ROBO2: variants seen among roughly 807,000 people sequenced by gnomAD.
ROBO2 encodes roundabout guidance receptor 2.
A neutral mutation model predicts 160.8 loss-of-function variants in ROBO2; 53 were observed. That is an observed-to-expected ratio of 0.33 (90% CI 0.26 to 0.41). ROBO2 has a LOEUF of 0.41. Ranked by LOEUF, ROBO2 falls within the 10% of genes least tolerant of loss-of-function variation. The pLI, the probability that ROBO2 is intolerant of heterozygous loss-of-function variation, is 1.00. For synonymous variants in ROBO2, 664 were observed against 611.7 expected, an observed-to-expected ratio of 1.09 and a Z score of -1.26; for missense variants, 1,577 against 1,722.4, an observed-to-expected ratio of 0.92 and a Z score of 1.49.
At chr3:76,470,000 ACT>A (rs1027955958) in intron 2 of ROBO2, among the ~76,000 whole-genome samples, 2 of 152,106 alleles carry the variant, frequency 1.3e-5, no homozygotes, top group African/African-American at 4.8e-5. Flanking sequence ...TTGGACCCTT[ACT>A]TTTGCTTACC....
chr3:76,567,763 CTGTGTGTG>C (rs71101900), intron 2 of ROBO2, among the ~76,000 whole-genome samples: 27 of 88,366 alleles, frequency 3.1e-4, no homozygotes, highest in South Asian at 8.0e-4. Context: ...ATATATCTGT[CTGTGTGTG>C]TGTGTGTGTG....
intron 2 of ROBO2, among the ~76,000 whole-genome samples, chr3:76,220,248 A>C (rs1703871134): frequency 6.6e-6 from 1 of 151,810 alleles, no homozygotes; most frequent in Non-Finnish European, 1.5e-5. Context: ...TAATGGGTGC[A>C]GCACACCAGC....
chr3:76,735,730 G>A (rs2093697399), intron 2 of ROBO2, among the ~76,000 whole-genome samples: 2 of 125,296 alleles, frequency 1.6e-5, no homozygotes, highest in Admixed American at 2.1e-4. Flanking sequence ...TACAGCTTCA[G>A]CCCAGGGTGA....
chr3:76,411,516 A>G (rs923804748), intron 2 of ROBO2, among the ~76,000 whole-genome samples: 1 of 152,142 alleles, frequency 6.6e-6, no homozygotes, highest in Non-Finnish European at 1.5e-5. Context: ...ATTTATTTCA[A>G]CTGAACCTCA....
chr3:76,113,285 C>T (rs539646383), intron 2 of ROBO2, among the ~76,000 whole-genome samples: 1 of 151,852 alleles, frequency 6.6e-6, no homozygotes, highest in East Asian at 1.9e-4. Context: ...CATGGGCCTC[C>T]CAATTATTTC....
chr3:77,065,867 G>A (rs2066787462), intron 1 of ROBO2, among the ~76,000 whole-genome samples: 1 of 152,070 alleles, frequency 6.6e-6, no homozygotes, highest in African/African-American at 2.4e-5. Context: ...GAGATGAATG[G>A]TTTGGTCTTT....
chr3:76,050,047 T>C (rs2067601753), intron 2 of ROBO2, among the ~76,000 whole-genome samples: 2 of 152,124 alleles, frequency 1.3e-5, no homozygotes, highest in Admixed American at 6.5e-5. Context: ...GTCAACTTGA[T>C]TGGATTGAAA....
chr3:76,079,253 TAAC>T (rs1257453270), intron 2 of ROBO2, among the ~76,000 whole-genome samples: 1 of 152,138 alleles, frequency 6.6e-6, no homozygotes, highest in Non-Finnish European at 1.5e-5. Context: ...TAACCATAGG[TAAC>T]AATCATTTAT....
intron 2 of ROBO2, among the ~76,000 whole-genome samples, chr3:77,179,804 A>G (rs1316884164): frequency 6.6e-6 from 1 of 152,176 alleles, no homozygotes; most frequent in African/African-American, 2.4e-5. Context: ...GACTACAAGA[A>G]GAGATTTTAA....
intron 2 of ROBO2, chr3:76,434,645 G>A (rs957639486): frequency 1.5e-6 from 2 of 1,320,170 alleles, no homozygotes; most frequent in East Asian, 2.3e-5. Context: ...CAAAAGAACT[G>A]AGTGGACTCT....
chr3:76,917,670 T>C (rs984437417), intron 2 of ROBO2, among the ~76,000 whole-genome samples: 1 of 152,140 alleles, frequency 6.6e-6, no homozygotes, highest in African/African-American at 2.4e-5. Context: ...GGCCTTCTCA[T>C]TGAGGGAAAA....
At chr3:77,482,466 G>C (rs893107487) in intron 4 of ROBO2, among the ~76,000 whole-genome samples, 1 of 152,094 alleles carries the variant, frequency 6.6e-6, no homozygotes, top group Non-Finnish European at 1.5e-5. Flanking sequence ...CAGAATGCAG[G>C]CCTCTCCTTT....
At chr3:77,039,354 A>C (rs1470509248), upstream of ROBO2, among the ~76,000 whole-genome samples, 1 of 152,182 alleles carries the variant, frequency 6.6e-6, no homozygotes, top group Non-Finnish European at 1.5e-5. Context: ...TTAACGCGTA[A>C]TGAGGCTGCG....
Position 77,512,986 on chromosome 3 carries a change from A to T in ROBO2, c.807-9789A>T, listed in dbSNP as rs80116542. Among the ~76,000 whole-genome samples, 928 of 152,002 alleles carry T rather than the reference A, an allele frequency of 6.1e-3. 5 individuals are homozygous for T. The highest frequency in any genetic ancestry group is 0.011 in the Non-Finnish European group (766 of 67,886). On this transcript the variant is annotated intron_variant, in intron 5 of 25. Coordinates refer to ENST00000461745, the Ensembl canonical transcript of ROBO2. ...TTGGAGCCAGAAATCTTATAATAAG[A>T]AGTAGTAGGTGATTTCAAAAACTAA...
At chr3:77,399,375 A>C (rs1367416118) in intron 2 of ROBO2, among the ~76,000 whole-genome samples, 1 of 152,140 alleles carries the variant, frequency 6.6e-6, no homozygotes, top group Non-Finnish European at 1.5e-5. Context: ...GAAGTTTCCT[A>C]GGAATCTTTT....
intron 2 of ROBO2, among the ~76,000 whole-genome samples, chr3:75,963,604 AT>A (rs775867096): frequency 7.9e-5 from 12 of 151,866 alleles, no homozygotes; most frequent in Non-Finnish European, 1.8e-4. Context: ...TAAAAAGTCC[AT>A]TATGTCCTTT....
At chr3:75,987,447 G>T (rs962939820) in intron 2 of ROBO2, among the ~76,000 whole-genome samples, 2 of 151,904 alleles carry the variant, frequency 1.3e-5, no homozygotes, top group African/African-American at 4.8e-5. Context: ...GTGTGTGCGT[G>T]TGTGTGTGAT....
intron 2 of ROBO2, among the ~76,000 whole-genome samples, chr3:76,595,655 T>C (rs2086689795): frequency 6.6e-6 from 1 of 152,104 alleles, no homozygotes; most frequent in African/African-American, 2.4e-5. Context: ...AATTCATGTA[T>C]TGCACGGAAA....
At chr3:77,071,880 C>A (rs1049359422) in intron 1 of ROBO2, among the ~76,000 whole-genome samples, 4 of 152,082 alleles carry the variant, frequency 2.6e-5, no homozygotes, top group African/African-American at 9.7e-5. Context: ...TCACAAGTAA[C>A]AGTCATCTTC....
Sources: allele counts gnomAD v4.1 joint callset (sites outside exome capture counted in the v4.1 genomes callset), GRCh38; gene constraint gnomAD v4.1.1; transcripts MANE v1.5; gene names NCBI Gene and HGNC (gene_info 2026-07-23, HGNC 2026-07-21).